ZFAT: variants seen among roughly 807,000 people sequenced by gnomAD.
ZFAT encodes the protein zinc finger and AT-hook domain containing, also known as zinc finger protein ZFAT.
In ZFAT, 64 loss-of-function variants were observed where a neutral mutation model predicts 117.7. That is an observed-to-expected ratio of 0.54 (90% CI 0.44 to 0.67). The LOEUF (loss-of-function observed/expected upper bound fraction) is 0.67. Among genes scored for constraint, ZFAT ranks in the 30% least tolerant of loss-of-function variants. The pLI is 0.00. For missense variants in ZFAT, 1,433 were observed against 1,584.5 expected (o/e 0.90, Z 1.62); for synonymous variants, 679 against 615.0 (o/e 1.10, Z -1.54).
intron 15 of ZFAT, among the ~76,000 whole-genome samples, chr8:134,493,306 T>C (rs958642999): frequency 1.4e-4 from 22 of 152,024 alleles, no homozygotes; most frequent in South Asian, 6.2e-4. Context: ...ACCAGGTCCC[T>C]GGGCCTGAGG....
chr8:134,644,875 G>A (rs954581462), intron 2 of ZFAT, among the ~76,000 whole-genome samples: 58 of 151,544 alleles, frequency 3.8e-4, no homozygotes, highest in Non-Finnish European at 8.8e-5. Context: ...ATCACACAAC[G>A]TGCACACTCA....
chr8:134,713,635 T>TC (rs1193104882), upstream of ZFAT, among the ~76,000 whole-genome samples: 1 of 152,092 alleles, frequency 6.6e-6, no homozygotes, highest in Non-Finnish European at 1.5e-5. Flanking sequence ...TGTGCGCGCC[T>TC]CCAACACCCG....
intron 1 of ZFAT, among the ~76,000 whole-genome samples, chr8:134,689,129 T>C (rs1833476363): frequency 6.6e-6 from 1 of 152,150 alleles, no homozygotes; most frequent in African/African-American, 2.4e-5. Flanking sequence ...CCCATCACCA[T>C]AATACACGCC....
At chr8:134,683,940 G>A (rs1034385360) in intron 1 of ZFAT, among the ~76,000 whole-genome samples, 2 of 152,090 alleles carry the variant, frequency 1.3e-5, no homozygotes, top group African/African-American at 4.8e-5. Context: ...AAAAAGAAAA[G>A]AAAAAAACCT....
At chr8:134,598,948 T>A (rs572950343) in intron 7 of ZFAT, 15 of 152,366 alleles carry the variant, frequency 9.8e-5, no homozygotes, top group Admixed American at 9.1e-4. Context: ...CCCAGCAGTC[T>A]GCTTCCTAGT....
intron 1 of ZFAT, among the ~76,000 whole-genome samples, chr8:134,697,418 G>C (rs1434077948): frequency 6.9e-6 from 1 of 145,560 alleles, no homozygotes; most frequent in Admixed American, 6.8e-5. Flanking sequence ...ACCTTTTTTT[G>C]TATTTTTAGT....
At chr8:134,817,193 C>T in the ZFAT span, among the ~76,000 whole-genome samples, 1 of 152,050 alleles carries the variant, frequency 6.6e-6, no homozygotes, top group Non-Finnish European at 1.5e-5. Flanking sequence ...TCCTCCATAA[C>T]ATGGGTGGGC....
chr8:134,830,547 G>C, the ZFAT span, among the ~76,000 whole-genome samples: 1 of 152,200 alleles, frequency 6.6e-6, no homozygotes, highest in South Asian at 2.1e-4. Flanking sequence ...CTTAGGTAAG[G>C]AGCAAGTGAG....
At chr8:134,735,049 G>T in the ZFAT span, among the ~76,000 whole-genome samples, 1 of 152,154 alleles carries the variant, frequency 6.6e-6, no homozygotes, top group Non-Finnish European at 1.5e-5. Context: ...CCTACTCTAT[G>T]ATTTATTAGG....
chr8:134,755,077 T>C, the ZFAT span, among the ~76,000 whole-genome samples: 1 of 152,044 alleles, frequency 6.6e-6, no homozygotes. Flanking sequence ...CCTAAGCAAG[T>C]GTGAGGGATT....
At chr8:134,830,689 A>T in the ZFAT span, among the ~76,000 whole-genome samples, 1 of 152,356 alleles carries the variant, frequency 6.6e-6, no homozygotes, top group Non-Finnish European at 1.5e-5. Context: ...GTTTTCTTAG[A>T]TGAGATTTAA....
rs767015633 is a variant in ZFAT, at chr8:134,637,494, C to A, written c.415G>T (p.Val139Leu). The A allele has an allele frequency of 6.2e-7, 1 of 1,613,450 alleles. No homozygotes were observed. The highest frequency in any genetic ancestry group is 1.1e-5 in the South Asian group (1 of 91,066). Reference protein sequence around the residue: ...RQLRKHICIIVLNLGEEEGEA... With the variant: ...RQLRKHICIILLNLGEEEGEA... Reference sequence around the variant, plus strand: ...CCTTCCTCCTCACCCAAATTCAGCACGATAATGCAGATGTGCTTCCGCAGC... The same window carrying A: ...CCTTCCTCCTCACCCAAATTCAGCAAGATAATGCAGATGTGCTTCCGCAGC... Residue 139 changes from valine (V) to leucine (L), a missense_variant, in exon 3 of 16, where the codon GTG becomes TTG. This residue lies in a region of ZFAT where 436 missense variants were observed against 482.0 expected (regional missense o/e 0.90). Transcript: ENST00000377838.
At chr8:134,536,634 T>C (rs887851195) in intron 11 of ZFAT, among the ~76,000 whole-genome samples, 19 of 152,142 alleles carry the variant, frequency 1.2e-4, no homozygotes, top group South Asian at 4.1e-4. Context: ...AGGTAGGGAA[T>C]AGCATCCCTA....
chr8:134,817,700 C>T, the ZFAT span, among the ~76,000 whole-genome samples: 1 of 152,024 alleles, frequency 6.6e-6, no homozygotes, highest in African/African-American at 2.4e-5. Flanking sequence ...GACACTTATT[C>T]TAAAATTCAT....
At chr8:134,504,907 C>T (rs1383467624) in intron 15 of ZFAT, among the ~76,000 whole-genome samples, 1 of 152,160 alleles carries the variant, frequency 6.6e-6, no homozygotes, top group Non-Finnish European at 1.5e-5. Flanking sequence ...GCCTGGAGCC[C>T]TGCTCCCACC....
intron 3 of ZFAT, among the ~76,000 whole-genome samples, chr8:134,621,216 AC>A (rs917299358): frequency 4.6e-5 from 7 of 150,898 alleles, no homozygotes; most frequent in Non-Finnish European, 7.4e-5. Context: ...AAGCCAGATC[AC>A]AGGAAGGGAG....
At position 134,602,273 on chromosome 8, in the gene ZFAT, C is replaced by T. The variant is rs781736015; in HGVS notation, c.1446G>A (p.Gly482=). The T allele has an allele frequency of 4.3e-5, 69 of 1,613,894 alleles. No homozygotes were observed. Among genetic ancestry groups the T allele is most frequent in the Non-Finnish European group, 5.8e-5 (69 of 1,180,054 alleles). The change falls in exon 6 of 16, where the codon GGG becomes GGA. Residue 482 remains glycine (G), a synonymous_variant. Coordinates refer to ENST00000377838, the MANE Select transcript of ZFAT (RefSeq NM_020863.4). ...TGAAGACCAAGGCCTCCTGGGCAGC[C>T]CCGTGCACCTCTTTGATGTGGGTGC... ...RLRTHIKEVH[G]AAQEALVFTS...
At chr8:134,800,564 T>C in the ZFAT span, 5 of 518,270 alleles carry the variant, frequency 9.6e-6, 1 homozygote, top group South Asian at 2.9e-5. Flanking sequence ...CCAATCCATG[T>C]ATTACAGCTG....
At chr8:134,550,475 A>C (rs573196158) in intron 11 of ZFAT, among the ~76,000 whole-genome samples, 49 of 152,362 alleles carry the variant, frequency 3.2e-4, no homozygotes, top group African/African-American at 1.2e-3. Context: ...GGCATACCAC[A>C]AGTTCAAAAA....
Sources: gnomAD v4.1 joint callset for allele counts (sites outside exome capture counted in the v4.1 genomes callset) on GRCh38, gnomAD v4.1.1 for gene constraint, gnomAD v4.1.1 regional missense constraint, MANE v1.5 for transcripts, NCBI Gene and HGNC (gene_info 2026-07-23, HGNC 2026-07-21) for gene names.